Variants in RXRG observed in about 807,000 individuals in gnomAD.
RXRG encodes retinoid X receptor gamma, also known as retinoic acid receptor RXR-gamma.
A neutral mutation model predicts 49.2 loss-of-function variants in RXRG; 19 were observed. The observed-to-expected ratio is 0.39, with a 90% CI of 0.27 to 0.57. The LOEUF is 0.57. Ranked by LOEUF, RXRG falls within the 20% of genes least tolerant of loss-of-function variation. The probability of loss-of-function intolerance (pLI) is 0.64; values close to 1 mark genes in which losing one functional copy is unlikely to be tolerated. For missense variants in RXRG, 452 were observed against 592.5 expected (o/e 0.76, Z 2.46); for synonymous variants, 224 against 216.6 (o/e 1.03, Z -0.30).
intron 4 of RXRG, 68 bp downstream of exon 4, chr1:165,416,973 G>A: frequency 6.8e-7 from 1 of 1,479,330 alleles, no homozygotes; most frequent in African/African-American, 1.4e-5. Context: ...GTGTATTGCA[G>A]TTGAATGTCC....
At chr1:165,440,756 C>T (rs546659696) in intron 1 of RXRG, among the ~76,000 whole-genome samples, 1 of 152,254 alleles carries the variant, frequency 6.6e-6, no homozygotes, top group Admixed American at 6.5e-5. Context: ...GAGCCCCTGG[C>T]ACACCCGCGA....
intron 1 of RXRG, among the ~76,000 whole-genome samples, chr1:165,440,142 T>A (rs1410842315): frequency 6.6e-6 from 1 of 152,204 alleles, no homozygotes; most frequent in East Asian, 1.9e-4. Context: ...GCTGTAAGAA[T>A]TTACAGAGTA....
At chr1:165,415,102 G>A (rs1658083944) in intron 4 of RXRG, among the ~76,000 whole-genome samples, 1 of 152,198 alleles carries the variant, frequency 6.6e-6, no homozygotes, top group South Asian at 2.1e-4. Context: ...GTTGGGGGTG[G>A]CTGGTGCAAT....
rs568016378 is a variant in RXRG, at chr1:165,422,358, G to A, written c.298-2344C>T. ...AGGAACAATATGGAGATCCAAAACG[G>A]AAGGAGATGCAGGCACTGCCTCAAG... On this transcript the variant is annotated intron_variant, in intron 2 of 9. Transcript: ENST00000359842. Among the ~76,000 whole-genome samples the A allele has an allele frequency of 1.3e-4, 20 of 152,350 alleles. No homozygotes were observed. In the South Asian group the frequency reaches 4.1e-3, roughly 32 times the overall value.
At chr1:165,406,200 T>C (rs977926075) in intron 9 of RXRG, among the ~76,000 whole-genome samples, 2 of 152,162 alleles carry the variant, frequency 1.3e-5, no homozygotes, top group Non-Finnish European at 1.5e-5. Flanking sequence ...AGAGATCTGC[T>C]AGATGGCCTC....
intron 1 of RXRG, among the ~76,000 whole-genome samples, chr1:165,433,463 C>G (rs1439029138): frequency 6.6e-6 from 1 of 152,186 alleles, no homozygotes; most frequent in African/African-American, 2.4e-5. Context: ...TGCCAGATGC[C>G]TGGAAAATGC....
At position 165,401,899 on chromosome 1, in the gene RXRG, T is replaced by C. The variant is rs1173192942; in HGVS notation, c.1245-489A>G. Among the ~76,000 whole-genome samples the C allele has an allele frequency of 3.9e-5, 6 of 152,344 alleles. No homozygotes were observed. The East Asian group carries it at 1.2e-3, about 29-fold the overall frequency. On this transcript the variant is annotated intron_variant, in intron 9 of 9. Coordinates refer to ENST00000359842, the MANE Select transcript of RXRG (RefSeq NM_006917.5). Reference sequence around the variant, plus strand: ...TCTAGCCATCATGCCATCAATTTGCTTTAGTTTCCAGCCCCCACAAAAAAT... The same window carrying C: ...TCTAGCCATCATGCCATCAATTTGCCTTAGTTTCCAGCCCCCACAAAAAAT...
At chr1:165,424,140 C>T (rs1658408382) in intron 2 of RXRG, among the ~76,000 whole-genome samples, 1 of 152,126 alleles carries the variant, frequency 6.6e-6, no homozygotes, top group Non-Finnish European at 1.5e-5. Context: ...AAAATGTTTC[C>T]TATATCACAT....
intron 6 of RXRG, among the ~76,000 whole-genome samples, chr1:165,410,195 C>T (rs570644634): frequency 1.3e-5 from 2 of 152,280 alleles, no homozygotes; most frequent in East Asian, 3.9e-4. Flanking sequence ...CAATGCTCAG[C>T]CAATCTTCAT....
At chr1:165,415,161 G>C (rs1005412705) in intron 4 of RXRG, among the ~76,000 whole-genome samples, 1 of 151,998 alleles carries the variant, frequency 6.6e-6, no homozygotes, top group Non-Finnish European at 1.5e-5. Context: ...TGAGAATTGG[G>C]TAAAGATACG....
intron 1 of RXRG, among the ~76,000 whole-genome samples, chr1:165,439,215 T>C (rs1658906641): frequency 6.9e-6 from 1 of 144,274 alleles, no homozygotes; most frequent in Admixed American, 7.5e-5. Flanking sequence ...TGATTATCAA[T>C]CTTTCCCTGC....
intron 2 of RXRG, among the ~76,000 whole-genome samples, chr1:165,426,285 G>A (rs1293494154): frequency 6.6e-6 from 1 of 152,220 alleles, no homozygotes; most frequent in Non-Finnish European, 1.5e-5. Flanking sequence ...ATTATACCCA[G>A]TAAAGTAGTT....
At chr1:165,442,178 C>A (rs1332762685) in intron 1 of RXRG, among the ~76,000 whole-genome samples, 4 of 152,148 alleles carry the variant, frequency 2.6e-5, no homozygotes, top group Non-Finnish European at 5.9e-5. Context: ...AGGTTAGAGG[C>A]CAAAGGTGAC....
At chr1:165,438,355 T>A (rs75965843) in intron 1 of RXRG, among the ~76,000 whole-genome samples, 18,108 of 143,402 alleles carry the variant, frequency 0.13, 1,160 homozygotes, top group South Asian at 0.25. Flanking sequence ...TATTCCAAAA[T>A]AAAAAAAAAA....
chr1:165,402,416 TAG>T (rs1331492220), intron 9 of RXRG, among the ~76,000 whole-genome samples: 1 of 147,954 alleles, frequency 6.8e-6, no homozygotes, highest in African/African-American at 2.6e-5. Context: ...ATCAACTTAT[TAG>T]TCTATGCTTA....
chr1:165,425,394 G>A (rs1051149149), intron 2 of RXRG, among the ~76,000 whole-genome samples: 15 of 152,138 alleles, frequency 9.9e-5, no homozygotes, highest in Non-Finnish European at 1.8e-4. Flanking sequence ...AAAGACCTTG[G>A]CCACCTTATT....
At chr1:165,426,556 CAGAACCCT>C (rs1658493549) in intron 2 of RXRG, among the ~76,000 whole-genome samples, 1 of 152,176 alleles carries the variant, frequency 6.6e-6, no homozygotes, top group Non-Finnish European at 1.5e-5. Context: ...AATTTGTTTT[CAGAACCCT>C]AGAATATGAG....
intron 2 of RXRG, among the ~76,000 whole-genome samples, chr1:165,423,758 A>G (rs1161504203): frequency 6.6e-6 from 1 of 152,194 alleles, no homozygotes; most frequent in Non-Finnish European, 1.5e-5. Context: ...TGGCTCAACC[A>G]GATCTGCTTT....
chr1:165,401,962 G>A (rs1464108066), intron 9 of RXRG, among the ~76,000 whole-genome samples: 1 of 152,242 alleles, frequency 6.6e-6, no homozygotes, highest in Non-Finnish European at 1.5e-5. Flanking sequence ...TACTCAGGTT[G>A]GACCTGAGTA....
Sources: allele counts gnomAD v4.1 joint callset (sites outside exome capture counted in the v4.1 genomes callset), GRCh38; gene constraint gnomAD v4.1.1; transcripts MANE v1.5; gene names NCBI Gene and HGNC (gene_info 2026-07-23, HGNC 2026-07-21).